Variants in EML2 observed in about 807,000 individuals in gnomAD.
EML2 encodes the protein echinoderm microtubule-associated protein-like 2.
EML2 carries 59 observed loss-of-function variants against 84.7 expected under a neutral mutation model. That is an observed-to-expected ratio of 0.70 (90% confidence interval 0.56 to 0.86). The LOEUF (loss-of-function observed/expected upper bound fraction) is 0.86, where lower values mean the gene tolerates loss of function less well. EML2 is among the 40% of genes least tolerant of loss of function. The pLI is 0.00. For missense variants in EML2, 818 were observed against 855.6 expected (o/e 0.96, Z 0.55); for synonymous variants, 352 against 348.9 (o/e 1.01, Z -0.10).
chr19:45,642,412 C>T (rs1303767565), upstream of EML2: 62 of 1,497,170 alleles, frequency 4.1e-5, no homozygotes, highest in Non-Finnish European at 5.3e-5. Context: ...CCCAAGGGGT[C>T]CCTCCCGCCT....
upstream of EML2, chr19:45,641,021 C>T (rs1341059783): frequency 6.5e-6 from 1 of 152,726 alleles, no homozygotes; most frequent in Non-Finnish European, 1.5e-5. Flanking sequence ...TCCATTTTCA[C>T]GTATTCCTTA....
At chr19:45,635,289 C>T (rs1973589480) in intron 3 of EML2, among the ~76,000 whole-genome samples, 1 of 152,100 alleles carries the variant, frequency 6.6e-6, no homozygotes, top group Non-Finnish European at 1.5e-5. Flanking sequence ...CAGGCAGATG[C>T]CATCATGCCA....
chr19:45,627,190 C>CTCG (rs1405510004), intron 7 of EML2, among the ~76,000 whole-genome samples: 1 of 151,912 alleles, frequency 6.6e-6, no homozygotes, highest in Non-Finnish European at 1.5e-5. Flanking sequence ...AACTCTTTAC[C>CTCG]TCGTGATCCA....
At chr19:45,624,573 A>G in intron 9 of EML2, 146 bp downstream of exon 9, 1 of 635,252 alleles carries the variant, frequency 1.6e-6, no homozygotes, top group South Asian at 2.0e-5. Flanking sequence ...GGAGATAGGG[A>G]TACTTGAGCT....
At chr19:45,629,577 G>C (rs1972777722) in intron 7 of EML2, among the ~76,000 whole-genome samples, 1 of 151,472 alleles carries the variant, frequency 6.6e-6, no homozygotes, top group South Asian at 2.1e-4. Flanking sequence ...GCCTGCCTCG[G>C]CCTCCCAAAG....
rs893828180 is a variant in EML2, at chr19:45,627,891, G to A, written c.607-1052C>T. Among the ~76,000 whole-genome samples the A allele has an allele frequency of 4.6e-5, 7 of 152,006 alleles. No individual in the cohort carries two copies. The East Asian group carries it at 1.2e-3, about 25-fold the overall frequency. Reference sequence around the variant, plus strand: ...AGCCTAACCAACATGGAGAAACTCCGTCTCTACTAAAAATACAAAATTAGC... The same window carrying A: ...AGCCTAACCAACATGGAGAAACTCCATCTCTACTAAAAATACAAAATTAGC... On this transcript the variant is annotated intron_variant, in intron 7 of 18. Coordinates refer to ENST00000245925, the MANE Select transcript of EML2 (RefSeq NM_012155.4).
chr19:45,645,456 C>T (rs767048991), upstream of EML2: 105 of 1,413,050 alleles, frequency 7.4e-5, no homozygotes, highest in African/African-American at 1.1e-3. Flanking sequence ...CCCAGCTCAG[C>T]TCGCCTGGCA....
At chr19:45,642,506 G>A (rs752398177), upstream of EML2, 199 of 1,423,812 alleles carry the variant, frequency 1.4e-4, no homozygotes, top group South Asian at 3.0e-4. Flanking sequence ...AGCCAAGGAA[G>A]AGGACTCTGA....
intron 11 of EML2, among the ~76,000 whole-genome samples, chr19:45,619,812 T>TGGGAGGCTGAGGCAGGAAGATTGAGCTC: frequency 6.6e-6 from 1 of 152,080 alleles, no homozygotes; most frequent in Admixed American, 6.6e-5. Flanking sequence ...CCCGACACTT[T>TGGGAGGCTGAGGCAGGAAGATTGAGCTC]GGGAGGCTGA....
intron 3 of EML2, among the ~76,000 whole-genome samples, chr19:45,636,546 C>T (rs1373495880): frequency 1.3e-5 from 2 of 152,234 alleles, no homozygotes; most frequent in Non-Finnish European, 2.9e-5. Flanking sequence ...TGGGTTGTCA[C>T]TCTCAATGAG....
intron 12 of EML2, 127 bp from the exon 13 acceptor site, chr19:45,617,824 G>A: frequency 2.8e-6 from 2 of 711,838 alleles, no homozygotes; most frequent in Admixed American, 2.8e-5. Context: ...TGCCCTTTGG[G>A]ACACCCCCAC....
chr19:45,641,733 G>A (rs1419985629), upstream of EML2: 2 of 1,536,156 alleles, frequency 1.3e-6, no homozygotes, highest in East Asian at 2.4e-5. Context: ...CTGGTGACAA[G>A]TAGCGGCGGA....
chr19:45,621,568 C>T lies in EML2; in HGVS notation c.911G>A (p.Arg304Gln), dbSNP rs190064158. 2.4e-5 allele frequency: 39 copies of T among 1,612,560 alleles called. No individual in the cohort carries two copies. Among genetic ancestry groups the T allele is most frequent in the East Asian group, 4.5e-5 (2 of 44,852 alleles). ...DGGVFGLCAL[R>Q]DGTLVSGGGR... is the part of the protein sequence containing the mutation. ...CCCTCCAGACACCAGCGTCCCGTCC[C>T]GCAGGGCGCAGAGCCCAAACACGCC... The change falls in exon 10 of 19, where the codon CGG (arginine) becomes CAG (glutamine). Residue 304 changes from arginine to glutamine, a missense_variant. Transcript: ENST00000245925.
At chr19:45,624,544 G>T (rs913800430) in intron 9 of EML2, among the ~76,000 whole-genome samples, 175 bp downstream of exon 9, 3 of 152,096 alleles carry the variant, frequency 2.0e-5, no homozygotes, top group Admixed American at 1.3e-4. Flanking sequence ...AGGCAGGGGG[G>T]AGTCAATAAA....
chr19:45,611,851 G>A (rs570149696), intron 18 of EML2, among the ~76,000 whole-genome samples: 3 of 151,880 alleles, frequency 2.0e-5, no homozygotes, highest in Non-Finnish European at 4.4e-5. Context: ...TAACCTATGC[G>A]TTTTCGTGTG....
chr19:45,631,884 A>ATTTTTTTTTT lies in EML2; in HGVS notation c.510+967_510+976dup, dbSNP rs755529171. ...ACACTAGTACACCCAGCTAATTAGAATTTTTTTTTTTTTTTTTTTTTTTTT... is the reference window on the plus strand; with the variant it reads ...ACACTAGTACACCCAGCTAATTAGAATTTTTTTTTTTTTTTTTTTTTTTTTTTTTTTTTTT... On this transcript the variant is annotated intron_variant, in intron 6 of 18. Coordinates refer to ENST00000245925, the MANE Select transcript of EML2 (RefSeq NM_012155.4). 2.3e-3 allele frequency among the ~76,000 whole-genome samples: 212 copies of ATTTTTTTTTT among 90,300 alleles called. 16 individuals are homozygous for ATTTTTTTTTT. The highest frequency in any genetic ancestry group is 8.4e-3 in the African/African-American group (197 of 23,554). 59.2% of individuals were successfully genotyped at this position (90,300 alleles called of 152,430 possible).
At chr19:45,629,919 C>G (rs1972822128) in intron 7 of EML2, 32 bp downstream of exon 7, 1 of 1,554,110 alleles carries the variant, frequency 6.4e-7, no homozygotes, top group South Asian at 1.1e-5. Flanking sequence ...ACAGTGGCAC[C>G]CAGCAGGAGG....
At chr19:45,631,170 A>G (rs1339545935) in intron 6 of EML2, among the ~76,000 whole-genome samples, 1 of 152,044 alleles carries the variant, frequency 6.6e-6, no homozygotes, top group East Asian at 1.9e-4. Context: ...TATACCTTTC[A>G]TTAAATACAG....
intron 1 of EML2, chr19:45,639,106 G>A: frequency 4.4e-6 from 3 of 688,106 alleles, no homozygotes; most frequent in Non-Finnish European, 5.2e-6. Flanking sequence ...GCACGAAGTG[G>A]CAGGGACGCG....
Sources: allele counts gnomAD v4.1 joint callset (sites outside exome capture counted in the v4.1 genomes callset), GRCh38; gene constraint gnomAD v4.1.1; transcripts MANE v1.5; gene names NCBI Gene and HGNC (gene_info 2026-07-23, HGNC 2026-07-21).